Variants in DCDC2C observed in about 807,000 individuals in gnomAD.
The protein encoded by DCDC2C is doublecortin domain containing 2C, also known as doublecortin domain-containing protein 2C.
DCDC2C carries 44 observed loss-of-function variants against 45.0 expected under a neutral mutation model. The observed-to-expected ratio is 0.98, with a 90% CI of 0.77 to 1.26. The LOEUF (loss-of-function observed/expected upper bound fraction) is 1.26, where lower values mean the gene tolerates loss of function less well. Among genes scored for constraint, DCDC2C ranks in the 50% most tolerant of loss-of-function variants. The pLI is 0.00. For missense variants in DCDC2C, 447 were observed against 468.9 expected, an observed-to-expected ratio of 0.95 and a Z score of 0.43; for synonymous variants, 187 against 178.8, an observed-to-expected ratio of 1.05 and a Z score of -0.37.
intron 10 of DCDC2C, among the ~76,000 whole-genome samples, chr2:3,799,973 G>A (rs1002476824): frequency 1.3e-5 from 2 of 152,336 alleles, no homozygotes; most frequent in East Asian, 1.9e-4. Flanking sequence ...CAGCCTCGCT[G>A]CTGCCTTGCA....
intron 1 of DCDC2C, 136 bp downstream of exon 1, chr2:3,704,174 TC>T: frequency 3.5e-6 from 3 of 867,316 alleles, no homozygotes; most frequent in Non-Finnish European, 4.6e-6. Context: ...TCGGCGTGGA[TC>T]CAGCGCAGCC....
chr2:3,790,364 G>A (rs746643430), intron 10 of DCDC2C, among the ~76,000 whole-genome samples: 19 of 152,274 alleles, frequency 1.2e-4, no homozygotes, highest in Non-Finnish European at 2.1e-4. Flanking sequence ...AGCTCAGAAC[G>A]TCAGCCATTT....
chr2:3,797,773 G>A (rs1316191900), intron 10 of DCDC2C, among the ~76,000 whole-genome samples: 1 of 151,860 alleles, frequency 6.6e-6, no homozygotes, highest in African/African-American at 2.4e-5. Context: ...ATTTGCTGAG[G>A]AGAGCTTTAC....
At chr2:3,797,096 G>A (rs1670977997) in intron 10 of DCDC2C, among the ~76,000 whole-genome samples, 1 of 152,100 alleles carries the variant, frequency 6.6e-6, no homozygotes, top group African/African-American at 2.4e-5. Context: ...GTTTAGTCTT[G>A]GGAGAGTGTA....
At chr2:3,767,981 T>C in intron 7 of DCDC2C, 101 bp downstream of exon 7, 1 of 1,223,754 alleles carries the variant, frequency 8.2e-7, no homozygotes, top group Non-Finnish European at 1.1e-6. Context: ...TCCAGAAATA[T>C]TGTTTGACTT....
chr2:3,731,532 G>A (rs1312733803), intron 3 of DCDC2C, among the ~76,000 whole-genome samples: 1 of 152,192 alleles, frequency 6.6e-6, no homozygotes, highest in Admixed American at 6.5e-5. Context: ...CCCAAAGGGA[G>A]AAATGTAACA....
At chr2:3,839,788 A>G (rs939900195) in intron 10 of DCDC2C, among the ~76,000 whole-genome samples, 3 of 152,230 alleles carry the variant, frequency 2.0e-5, no homozygotes, top group African/African-American at 7.2e-5. Flanking sequence ...TCACTCGCCA[A>G]AATGTCAGGG....
At chr2:3,805,076 G>T (rs932001889) in intron 10 of DCDC2C, among the ~76,000 whole-genome samples, 1 of 152,118 alleles carries the variant, frequency 6.6e-6, no homozygotes, top group Non-Finnish European at 1.5e-5. Flanking sequence ...TTGAAATGTT[G>T]CCTTCCCTCA....
intron 10 of DCDC2C, among the ~76,000 whole-genome samples, chr2:3,827,466 G>A (rs1671854641): frequency 1.3e-5 from 2 of 152,118 alleles, no homozygotes; most frequent in African/African-American, 4.8e-5. Flanking sequence ...CTGTGGACTG[G>A]GAGAAAAAGG....
chr2:3,836,814 A>G (rs74171420), intron 10 of DCDC2C, among the ~76,000 whole-genome samples: 81,837 of 149,748 alleles, frequency 0.55, 22,579 homozygotes, highest in Middle Eastern at 0.61. Context: ...GTGAGCCGAG[A>G]TCGCGCCACT....
intron 2 of DCDC2C, among the ~76,000 whole-genome samples, chr2:3,715,553 T>A (rs992901655): frequency 6.6e-6 from 1 of 150,758 alleles, no homozygotes; most frequent in African/African-American, 2.5e-5. Context: ...GCATGTATTC[T>A]GCTCATCACA....
intron 4 of DCDC2C, among the ~76,000 whole-genome samples, chr2:3,743,850 C>A (rs1454741105): frequency 1.3e-5 from 2 of 152,156 alleles, no homozygotes; most frequent in Non-Finnish European, 2.9e-5. Flanking sequence ...GGTGGATCAC[C>A]TGAAGTCAGG....
At chr2:3,766,789 C>T (rs1670025227) in intron 6 of DCDC2C, among the ~76,000 whole-genome samples, 2 of 152,082 alleles carry the variant, frequency 1.3e-5, no homozygotes. Context: ...AAAAAGAAAA[C>T]CTAAAAAAGA....
intron 6 of DCDC2C, among the ~76,000 whole-genome samples, chr2:3,757,839 G>A (rs915148611): frequency 2.0e-5 from 3 of 152,212 alleles, no homozygotes; most frequent in African/African-American, 7.2e-5. Context: ...GATCATTGAC[G>A]CCTCTCCTAT....
Position 3,703,956 on chromosome 2 carries a change from G to C in DCDC2C, c.205G>C (p.Gly69Arg), listed in dbSNP as rs374188807. The change falls in exon 1 of 11, where the codon GGG becomes CGG. Residue 69 changes from glycine to arginine, a missense_variant. Gly to Arg is a moderately radical substitution (Grantham distance 125). Coordinates refer to ENST00000399143, the MANE Select transcript of DCDC2C (RefSeq NM_001287444.2). The surrounding 1 kb of genome is among the most constrained non-coding windows in gnomAD (Gnocchi z 4.4). ...GVRRLFTPTR[G>R]HRVLGLDALQ... ...GCGCCGCCTCTTCACGCCCACGCGT[G>C]GGCACCGGGTGCTGGGGCTGGACGC... The C allele has an allele frequency of 3.8e-6, 5 of 1,316,732 alleles. No homozygotes were observed. In the East Asian group the frequency reaches 9.3e-5, roughly 25 times the overall value. 81.6% of individuals were successfully genotyped at this position (1,316,732 alleles called of 1,614,324 possible). A position where few individuals can be genotyped will look rare whatever the true frequency, so the allele number is the denominator to read the frequency against.
chr2:3,797,962 C>G (rs1024380323), intron 10 of DCDC2C, among the ~76,000 whole-genome samples: 1 of 151,292 alleles, frequency 6.6e-6, no homozygotes, highest in African/African-American at 2.4e-5. Context: ...CTAATGTTGA[C>G]AGTGGGGTGT....
chr2:3,740,894 A>C (rs1428285817), intron 3 of DCDC2C, among the ~76,000 whole-genome samples: 2 of 152,244 alleles, frequency 1.3e-5, no homozygotes, highest in Non-Finnish European at 2.9e-5. Context: ...AAAAAATGGC[A>C]GTAATAGTAA....
intron 10 of DCDC2C, among the ~76,000 whole-genome samples, chr2:3,843,557 G>A (rs572092314): frequency 6.6e-6 from 1 of 152,214 alleles, no homozygotes; most frequent in Admixed American, 6.5e-5. Flanking sequence ...GAAAGGTAAT[G>A]TTAGCATCAG....
At chr2:3,736,239 C>A (rs1669021382) in intron 3 of DCDC2C, among the ~76,000 whole-genome samples, 1 of 152,124 alleles carries the variant, frequency 6.6e-6, no homozygotes, top group South Asian at 2.1e-4. Context: ...CCTTTCCTAG[C>A]AGATTTACAG....
Sources: gnomAD v4.1 joint callset for allele counts (sites outside exome capture counted in the v4.1 genomes callset) on GRCh38, gnomAD v4.1.1 for gene constraint, Gnocchi (gnomAD v3.1) non-coding constraint, MANE v1.5 for transcripts, NCBI Gene and HGNC (gene_info 2026-07-23, HGNC 2026-07-21) for gene names.